The following FADS6 variants were observed in gnomAD, a reference collection of about 807,000 sequenced individuals.
FADS6 encodes the protein fatty acid desaturase domain family, member 6.
In FADS6, 28 loss-of-function variants were observed where a neutral mutation model predicts 31.7. The ratio of observed to expected loss-of-function variants is 0.88; its 90% CI spans 0.66 to 1.21. FADS6 has a LOEUF of 1.21. Ranked by LOEUF, FADS6 falls within the 50% of genes most tolerant of loss-of-function variation. The pLI, the probability that FADS6 is intolerant of heterozygous loss-of-function variation, is 0.00. For synonymous variants in FADS6, 191 were observed against 213.1 expected, an observed-to-expected ratio of 0.90 and a Z score of 0.90; for missense variants, 494 against 504.2, an observed-to-expected ratio of 0.98 and a Z score of 0.19.
intron 1 of FADS6, 73 bp downstream of exon 1, chr17:74,893,279 C>T (rs2038712115): frequency 9.1e-6 from 13 of 1,423,756 alleles, no homozygotes; most frequent in Non-Finnish European, 5.5e-6. Context: ...TTGCAGACCC[C>T]GCGCCGCCAC....
At chr17:74,888,166 G>GCACA (rs1322131971) in intron 2 of FADS6, among the ~76,000 whole-genome samples, 8 of 149,478 alleles carry the variant, frequency 5.4e-5, no homozygotes, top group African/African-American at 2.0e-4. Context: ...GCGCGCGCGC[G>GCACA]CGCGCGCAGA....
downstream of FADS6, among the ~76,000 whole-genome samples, chr17:74,875,027 C>G (rs376072682): frequency 3.9e-5 from 6 of 152,312 alleles, no homozygotes; most frequent in East Asian, 3.9e-4. Flanking sequence ...GCTTCACACA[C>G]TGGCTAGCAC....
At chr17:74,891,111 G>GCT (rs1288407324) in intron 2 of FADS6, among the ~76,000 whole-genome samples, 1 of 108,526 alleles carries the variant, frequency 9.2e-6, no homozygotes. Flanking sequence ...TTTTCTTTTT[G>GCT]ATTTTTTTTT....
downstream of FADS6, chr17:74,877,270 C>T (rs2038515311): frequency 6.6e-6 from 1 of 151,994 alleles, no homozygotes; most frequent in Admixed American, 6.6e-5. Flanking sequence ...ACTGTTTGAA[C>T]TAGCCAAGGT....
At chr17:74,880,739 C>T (rs1430148106) in intron 4 of FADS6, among the ~76,000 whole-genome samples, 1 of 152,150 alleles carries the variant, frequency 6.6e-6, no homozygotes, top group Non-Finnish European at 1.5e-5. Flanking sequence ...CTGTTAATTA[C>T]TTAATCCCAT....
Position 74,878,230 on chromosome 17 carries a change from G to A in FADS6, c.*101C>T. The stretch of plus-strand genomic sequence containing the variant: ...CCTGGCCGGTGCCTCCACTCTCCAG[G>A]TCCACCACCAGCCACTGAGCCACAC... On this transcript the variant is annotated 3_prime_UTR_variant, in exon 6 of 6. Transcript: ENST00000612771. 1 of 1,472,948 alleles carries A rather than the reference G, an allele frequency of 6.8e-7. No individual in the cohort carries two copies. The highest frequency in any genetic ancestry group is 9.0e-7 in the Non-Finnish European group (1 of 1,112,704). 91.2% of individuals were successfully genotyped at this position (1,472,948 alleles called of 1,614,324 possible).
chr17:74,880,704 G>C (rs373410023), intron 4 of FADS6, among the ~76,000 whole-genome samples: 3 of 152,072 alleles, frequency 2.0e-5, no homozygotes, highest in African/African-American at 4.8e-5. Context: ...GGGGGTGGTC[G>C]GGAGGGGACC....
chr17:74,883,127 G>C (rs958498300), intron 2 of FADS6, among the ~76,000 whole-genome samples: 1 of 152,218 alleles, frequency 6.6e-6, no homozygotes, highest in African/African-American at 2.4e-5. Flanking sequence ...CTCTCAGCCC[G>C]GAGCAGCAGC....
At chr17:74,892,133 C>T (rs966761853) in intron 2 of FADS6, among the ~76,000 whole-genome samples, 9 of 152,218 alleles carry the variant, frequency 5.9e-5, no homozygotes, top group Admixed American at 4.6e-4. Context: ...TAGGCCATGG[C>T]CAGGCATCAG....
intron 2 of FADS6, among the ~76,000 whole-genome samples, chr17:74,888,500 G>A (rs1025440517): frequency 2.6e-5 from 4 of 152,150 alleles, no homozygotes; most frequent in East Asian, 1.9e-4. Context: ...CACACTGAAC[G>A]CCTGTGAGGA....
At chr17:74,889,505 C>A (rs949880606) in intron 2 of FADS6, among the ~76,000 whole-genome samples, 1 of 151,634 alleles carries the variant, frequency 6.6e-6, no homozygotes, top group Non-Finnish European at 1.5e-5. Flanking sequence ...AACATATACA[C>A]AGCCCTGTTG....
At chr17:74,880,165 G>C (rs1236709110) in intron 4 of FADS6, among the ~76,000 whole-genome samples, 1 of 152,102 alleles carries the variant, frequency 6.6e-6, no homozygotes, top group African/African-American at 2.4e-5. Flanking sequence ...CAGGGAGCAG[G>C]GAGACGTCCC....
At chr17:74,884,656 G>A (rs1354820822) in intron 2 of FADS6, among the ~76,000 whole-genome samples, 2 of 152,118 alleles carry the variant, frequency 1.3e-5, no homozygotes, top group Non-Finnish European at 2.9e-5. Context: ...GTGACATGAT[G>A]AAAGCAGGAG....
intron 2 of FADS6, among the ~76,000 whole-genome samples, 158 bp downstream of exon 2, chr17:74,892,365 G>A (rs1195587634): frequency 6.6e-6 from 1 of 152,226 alleles, no homozygotes; most frequent in Non-Finnish European, 1.5e-5. Flanking sequence ...CAGACACGCT[G>A]TAGTGCATAC....
Position 74,878,387 on chromosome 17 carries a change from G to C in FADS6, c.1051C>G (p.Arg351Gly), listed in dbSNP as rs774253335. 4 of 1,613,998 alleles carry C rather than the reference G, an allele frequency of 2.5e-6. No homozygotes were observed. The highest frequency in any genetic ancestry group is 3.4e-6 in the Non-Finnish European group (4 of 1,179,878). Residue 351 changes from arginine (R) to glycine (G), a missense_variant, in exon 6 of 6, where the codon CGC becomes GGC. Arg to Gly is a moderately radical substitution (Grantham distance 125, BLOSUM62 -2). Transcript: ENST00000612771. The stretch of plus-strand genomic sequence containing the variant: ...GCCTGCACCATGAATTCCTCATAGC[G>C]ACGGAGAAACAGCTGGAAGCGAGCC... ...YLARFQLFLR[R>G]YEEFMVQAPP...
Position 74,878,018 on chromosome 17 carries a change from T to A in FADS6, c.*313A>T. On this transcript the variant is annotated 3_prime_UTR_variant, in exon 6 of 6. Transcript: ENST00000612771. Reference sequence around the variant, plus strand: ...TCACCCTGTCACCTCCCTTTAACCCTACCAAGGCTCAGATGGAGCAGGGGG... The same window carrying A: ...TCACCCTGTCACCTCCCTTTAACCCAACCAAGGCTCAGATGGAGCAGGGGG... 1 of 1,122,194 alleles carries A rather than the reference T, an allele frequency of 8.9e-7. No individual in the cohort carries two copies. The highest frequency in any genetic ancestry group is 2.9e-5 in the South Asian group (1 of 33,924). The allele number at this position is 1,122,194 out of a possible 1,614,324, so 69.5% of individuals were successfully genotyped here. A position where few individuals can be genotyped will look rare whatever the true frequency, so the allele number is the denominator to read the frequency against.
intron 1 of FADS6, 128 bp from the exon 2 acceptor site, chr17:74,892,817 A>C (rs2038706197): frequency 1.1e-6 from 1 of 927,014 alleles, no homozygotes; most frequent in Non-Finnish European, 1.6e-6. Flanking sequence ...CACTGGCCGG[A>C]GTGAGGCAGG....
Position 74,881,176 on chromosome 17 carries a change from C to G in FADS6, c.672G>C (p.Trp224Cys), listed in dbSNP as rs1326112288. The G allele has an allele frequency of 6.2e-7, 1 of 1,612,844 alleles. No homozygotes were observed. Among genetic ancestry groups the G allele is most frequent in the Non-Finnish European group, 8.5e-7 (1 of 1,179,424 alleles). The change falls in exon 4 of 6, where the codon TGG becomes TGC. Residue 224 changes from tryptophan to cysteine, a missense_variant. By Grantham distance (215) the Trp-to-Cys change is radical. Around this residue, in one of 2 missense-constraint regions of FADS6, gnomAD observed 454 missense variants for 438.5 expected, o/e 1.04. Coordinates refer to ENST00000612771, the MANE Select transcript of FADS6 (RefSeq NM_178128.6). The stretch of plus-strand genomic sequence containing the variant: ...TGAAGCCTGACACGTTCAGGAGCAG[C>G]CAGTAGTGAGAATAAAGGCCCAGAG... ...LISLGLYSHY[W>C]LLLNVSGFKN...
At position 74,882,552 on chromosome 17, in the gene FADS6, G is replaced by T; in HGVS notation, c.570C>A (p.Ile190=). The part of the protein sequence containing the change: ...YMFLAPFLLP[I]ATPLVAVERL... ...CACCGACAGCCACCAGTGGAGTGGCGATGGGGAGGAGGAAAGGAGCAAGGA... is the reference window on the plus strand; with the variant it reads ...CACCGACAGCCACCAGTGGAGTGGCTATGGGGAGGAGGAAAGGAGCAAGGA... Residue 190 remains isoleucine (I), a synonymous_variant, in exon 3 of 6, where the codon ATC becomes ATA. Transcript: ENST00000612771. 6.2e-7 allele frequency: 1 copy of T among 1,611,296 alleles called. No individual in the cohort carries two copies. The highest frequency in any genetic ancestry group is 8.5e-7 in the Non-Finnish European group (1 of 1,178,768).
Sources: gnomAD v4.1 joint callset for allele counts (sites outside exome capture counted in the v4.1 genomes callset) on GRCh38, gnomAD v4.1.1 for gene constraint, gnomAD v4.1.1 regional missense constraint, MANE v1.5 for transcripts, NCBI Gene and HGNC (gene_info 2026-07-23, HGNC 2026-07-21) for gene names.